The following EPHA6 variants were observed in gnomAD, a reference collection of about 807,000 sequenced individuals.
The protein encoded by EPHA6 is EPH receptor A6.
EPHA6 carries 50 observed loss-of-function variants against 112.0 expected under a neutral mutation model. The ratio of observed to expected loss-of-function variants is 0.45; its 90% CI spans 0.36 to 0.56. The LOEUF (loss-of-function observed/expected upper bound fraction) is 0.56. Ranked by LOEUF, EPHA6 falls within the 20% of genes least tolerant of loss-of-function variation. EPHA6 has a pLI of 0.00. For synonymous variants in EPHA6, 529 were observed against 490.7 expected (o/e 1.08, Z -1.03); for missense variants, 1,280 against 1,417.4 (o/e 0.90, Z 1.56).
At chr3:97,653,454 T>A (rs865832617) in intron 14 of EPHA6, among the ~76,000 whole-genome samples, 3 of 151,974 alleles carry the variant, frequency 2.0e-5, no homozygotes, top group Middle Eastern at 3.2e-3. Context: ...CGCAATAAGA[T>A]ATCACCTCAT....
At chr3:97,420,886 A>T (rs1241690524) in intron 6 of EPHA6, among the ~76,000 whole-genome samples, 1 of 152,072 alleles carries the variant, frequency 6.6e-6, no homozygotes, top group Non-Finnish European at 1.5e-5. Context: ...TTATTTCAGG[A>T]ATGCATGAGT....
chr3:97,430,613 A>G (rs2089447701), intron 6 of EPHA6, among the ~76,000 whole-genome samples: 1 of 152,122 alleles, frequency 6.6e-6, no homozygotes, highest in South Asian at 2.1e-4. Flanking sequence ...TCAAAACTAT[A>G]ATTTGATTTT....
At chr3:97,344,203 G>A (rs1329764227) in intron 5 of EPHA6, among the ~76,000 whole-genome samples, 3 of 152,118 alleles carry the variant, frequency 2.0e-5, no homozygotes, top group Non-Finnish European at 2.9e-5. Context: ...ATGCTGGAAC[G>A]AGTTAAGATT....
chr3:97,113,652 A>G (rs1472986835), intron 3 of EPHA6, among the ~76,000 whole-genome samples: 1 of 152,120 alleles, frequency 6.6e-6, no homozygotes, highest in African/African-American at 2.4e-5. Context: ...CCCACAAAAA[A>G]AAGTCTTTCT....
intron 2 of EPHA6, among the ~76,000 whole-genome samples, chr3:96,940,995 T>A (rs1307222775): frequency 2.0e-5 from 3 of 152,258 alleles, no homozygotes; most frequent in Non-Finnish European, 2.9e-5. Flanking sequence ...CTTCCCTTTG[T>A]GGGTAACCCG....
At chr3:97,663,388 G>C (rs985771845) in intron 14 of EPHA6, among the ~76,000 whole-genome samples, 3 of 151,544 alleles carry the variant, frequency 2.0e-5, no homozygotes, top group Non-Finnish European at 4.4e-5. Context: ...ACAACGTGCA[G>C]GTTTGTTACA....
intron 2 of EPHA6, among the ~76,000 whole-genome samples, chr3:96,978,272 G>A (rs1342217131): frequency 6.6e-6 from 1 of 152,224 alleles, no homozygotes; most frequent in African/African-American, 2.4e-5. Context: ...TGAGTAGGCT[G>A]AAGAGAAGGG....
intron 5 of EPHA6, among the ~76,000 whole-genome samples, chr3:97,251,050 T>A (rs1472169516): frequency 6.6e-6 from 1 of 151,792 alleles, no homozygotes; most frequent in African/African-American, 2.4e-5. Context: ...GTGTTTTTAG[T>A]AGAGACAGGG....
chr3:97,103,115 G>A (rs568909527), intron 3 of EPHA6, among the ~76,000 whole-genome samples: 1 of 152,016 alleles, frequency 6.6e-6, no homozygotes, highest in Non-Finnish European at 1.5e-5. Flanking sequence ...TTCTTTTGCT[G>A]TGCAGAAGCT....
At chr3:97,509,817 G>C (rs990000384) in intron 10 of EPHA6, among the ~76,000 whole-genome samples, 3 of 152,066 alleles carry the variant, frequency 2.0e-5, no homozygotes, top group African/African-American at 7.2e-5. Context: ...TCACTTTCAG[G>C]TACACAAATT....
chr3:97,079,569 C>A (rs2108192644), intron 3 of EPHA6, among the ~76,000 whole-genome samples: 1 of 135,886 alleles, frequency 7.4e-6, no homozygotes, highest in Admixed American at 7.6e-5. Flanking sequence ...ACCTGTTTAA[C>A]AATCGTGCAC....
In EPHA6 at chr3:97,754,002, C is replaced by A. The variant is rs576259538; in HGVS notation, c.*5301C>A. On this transcript the variant is annotated 3_prime_UTR_variant, in exon 18 of 18. Transcript: ENST00000389672. ...ACAGGTCATCAAAATGTAGTTTTAA[C>A]AAATCATCTTTTTCTGAGTAATAAA... Among the ~76,000 whole-genome samples the A allele has an allele frequency of 1.3e-5, 2 of 148,492 alleles. No homozygotes were observed. The highest frequency in any genetic ancestry group is 4.3e-4 in the South Asian group (2 of 4,614).
At chr3:97,282,426 G>A (rs545814758) in intron 5 of EPHA6, among the ~76,000 whole-genome samples, 3 of 152,154 alleles carry the variant, frequency 2.0e-5, no homozygotes, top group East Asian at 1.9e-4. Flanking sequence ...AAGACAATGC[G>A]GCAATTCCTC....
At chr3:97,148,069 T>C (rs112181075) in intron 3 of EPHA6, among the ~76,000 whole-genome samples, 1,969 of 152,222 alleles carry the variant, frequency 0.013, 46 homozygotes, top group African/African-American at 0.044. Context: ...TAAAAATGCA[T>C]TTATGACTTA....
chr3:97,709,268 C>A (rs2033844774), intron 14 of EPHA6, among the ~76,000 whole-genome samples: 1 of 152,128 alleles, frequency 6.6e-6, no homozygotes, highest in African/African-American at 2.4e-5. Context: ...TGGGAGCCCA[C>A]TTCTTGCATC....
chr3:96,875,148 A>G (rs1559791702), intron 2 of EPHA6, among the ~76,000 whole-genome samples: 1 of 152,076 alleles, frequency 6.6e-6, no homozygotes, highest in African/African-American at 2.4e-5. Flanking sequence ...ATAACAGTGA[A>G]ACACCAGCAC....
chr3:97,523,841 G>A (rs536846333), intron 10 of EPHA6, among the ~76,000 whole-genome samples: 2 of 151,722 alleles, frequency 1.3e-5, no homozygotes, highest in South Asian at 4.2e-4. Context: ...ACTAAAAGGA[G>A]GTCATTCTAA....
chr3:97,512,844 T>C (rs917183103), intron 10 of EPHA6, among the ~76,000 whole-genome samples: 25 of 152,174 alleles, frequency 1.6e-4, no homozygotes, highest in Admixed American at 4.6e-4. Flanking sequence ...GGGTTACAGA[T>C]GTGAGCTGCC....
chr3:97,673,381 G>A (rs538382693), intron 14 of EPHA6, among the ~76,000 whole-genome samples: 4 of 152,308 alleles, frequency 2.6e-5, no homozygotes, highest in Admixed American at 1.3e-4. Flanking sequence ...ATACAGATGA[G>A]AAGAGGAAAT....
Sources: gnomAD v4.1 joint callset for allele counts (sites outside exome capture counted in the v4.1 genomes callset) on GRCh38, gnomAD v4.1.1 for gene constraint, MANE v1.5 for transcripts, NCBI Gene and HGNC (gene_info 2026-07-23, HGNC 2026-07-21) for gene names.